The following NLGN1 variants were observed in gnomAD, a reference collection of about 807,000 sequenced individuals.
NLGN1 encodes the protein neuroligin 1.
NLGN1 carries 12 observed loss-of-function variants against 65.5 expected under a neutral mutation model. The observed-to-expected ratio is 0.18, with a 90% CI of 0.12 to 0.30. The LOEUF is 0.30. Ranked by LOEUF, NLGN1 falls within the 10% of genes least tolerant of loss-of-function variation. NLGN1 has a pLI of 1.00. For missense variants in NLGN1, 750 were observed against 1,007.1 expected (o/e 0.74, Z 3.46); for synonymous variants, 350 against 359.5 (o/e 0.97, Z 0.30).
chr3:174,015,333 C>G (rs1276016175), intron 4 of NLGN1, among the ~76,000 whole-genome samples: 1 of 152,124 alleles, frequency 6.6e-6, no homozygotes, highest in East Asian at 1.9e-4. Context: ...ACTCTGAGGT[C>G]AGAGAGGCAG....
intron 4 of NLGN1, among the ~76,000 whole-genome samples, chr3:174,260,214 T>TGGG (rs1290830837): frequency 1.3e-5 from 2 of 150,978 alleles, no homozygotes; most frequent in Non-Finnish European, 3.0e-5. Flanking sequence ...ATGGGATGGC[T>TGGG]GGGTCAAATG....
intron 2 of NLGN1, among the ~76,000 whole-genome samples, chr3:173,491,544 G>T (rs1729165652): frequency 6.6e-6 from 1 of 151,756 alleles, no homozygotes; most frequent in Admixed American, 6.6e-5. Context: ...AAGGATATTG[G>T]TCTGAAATTC....
chr3:173,895,714 A>C (rs2152144768), intron 4 of NLGN1, among the ~76,000 whole-genome samples: 1 of 151,972 alleles, frequency 6.6e-6, no homozygotes, highest in East Asian at 1.9e-4. Context: ...TTTTGAGACA[A>C]GAGTCTCACT....
Position 173,959,737 on chromosome 3 carries a change from T to G in NLGN1, c.646+151905T>G, listed in dbSNP as rs375026338. Among the ~76,000 whole-genome samples, 121 of 152,314 alleles carry G rather than the reference T, an allele frequency of 7.9e-4. 2 individuals are homozygous for G. The highest frequency in any genetic ancestry group is 2.8e-3 in the African/African-American group (118 of 41,582). ...TAGTCTGAAATTTTTAATTTATTTT[T>G]TAAATGTTTTGGTATCACAGTTTTG... On this transcript the variant is annotated intron_variant, in intron 4 of 6. Transcript: ENST00000457714.
chr3:173,579,731 C>T (rs1364213614), intron 2 of NLGN1, among the ~76,000 whole-genome samples: 1 of 152,164 alleles, frequency 6.6e-6, no homozygotes, highest in African/African-American at 2.4e-5. Flanking sequence ...GTCACCTTTG[C>T]AGTAGTTAGA....
chr3:173,794,561 G>T (rs950326219), intron 3 of NLGN1, among the ~76,000 whole-genome samples: 15 of 152,246 alleles, frequency 9.9e-5, no homozygotes, highest in Admixed American at 7.2e-4. Flanking sequence ...AATGGAGAGT[G>T]TGTCTTCACA....
intron 1 of NLGN1, among the ~76,000 whole-genome samples, chr3:173,399,131 T>C (rs1028101136): frequency 6.6e-6 from 1 of 152,230 alleles, no homozygotes; most frequent in African/African-American, 2.4e-5. Flanking sequence ...AGAGAATGAA[T>C]CTAAGTCTAC....
At position 174,279,766 on chromosome 3, in the gene NLGN1, A is replaced by AAT; in HGVS notation, c.1649+116_1649+117insAT. 1 of 622,522 alleles carries AAT rather than the reference A, an allele frequency of 1.6e-6. No individual in the cohort carries two copies. The highest frequency in any genetic ancestry group is 2.8e-6 in the Non-Finnish European group (1 of 359,718). 38.6% of individuals were successfully genotyped at this position (622,522 alleles called of 1,614,324 possible). On this transcript the variant is annotated intron_variant, in intron 6 of 6. Transcript: ENST00000457714. The surrounding 1 kb of genome is among the most constrained non-coding windows in gnomAD (Gnocchi z 4.7). ...ATTGGATTAATACCTGCAAGATATT[A>AAT]CATTCCTTTATTCAAAATTAATTCT...
chr3:173,901,517 A>G (rs542871140), intron 4 of NLGN1, among the ~76,000 whole-genome samples: 1 of 151,852 alleles, frequency 6.6e-6, no homozygotes, highest in African/African-American at 2.4e-5. Flanking sequence ...AGTATTTCTT[A>G]TTTTGCTTAT....
At chr3:174,031,490 G>A (rs758543393) in intron 4 of NLGN1, among the ~76,000 whole-genome samples, 10 of 152,058 alleles carry the variant, frequency 6.6e-5, no homozygotes, top group Non-Finnish European at 1.0e-4. Context: ...TAAGAAAGAG[G>A]CAAATTGAAG....
intron 4 of NLGN1, among the ~76,000 whole-genome samples, chr3:174,197,375 A>G (rs1390044907): frequency 3.9e-5 from 6 of 152,130 alleles, no homozygotes; most frequent in African/African-American, 1.2e-4. Flanking sequence ...AAAAATAACT[A>G]TAGGTATAGT....
chr3:174,207,177 T>C (rs983781012), intron 4 of NLGN1, among the ~76,000 whole-genome samples: 1 of 146,204 alleles, frequency 6.8e-6, no homozygotes, highest in Non-Finnish European at 1.5e-5. Context: ...TTTTATAGAT[T>C]GTTTTTTTGT....
intron 4 of NLGN1, among the ~76,000 whole-genome samples, chr3:173,939,799 GT>G (rs1454029134): frequency 2.6e-5 from 4 of 151,950 alleles, no homozygotes; most frequent in Non-Finnish European, 5.9e-5. Context: ...ACTGGGTTTT[GT>G]TTTTGTTTTT....
At chr3:174,075,969 GTAAT>G (rs1307013974) in intron 4 of NLGN1, among the ~76,000 whole-genome samples, 1 of 152,074 alleles carries the variant, frequency 6.6e-6, no homozygotes, top group African/African-American at 2.4e-5. Context: ...ATCTGACTAA[GTAAT>G]TAAACTAGGC....
At position 173,595,049 on chromosome 3, in the gene NLGN1, A is replaced by T. The variant is rs150828319; in HGVS notation, c.-320-9230A>T. Among the ~76,000 whole-genome samples, 32 of 152,316 alleles carry T rather than the reference A, an allele frequency of 2.1e-4. No individual in the cohort carries two copies. The East Asian group carries it at 5.4e-3, about 26-fold the overall frequency. ...AGGGGCTGCTGTGAAGACCTTAGAC[A>T]TGCCCTGGAGGCATTTTAACCATTG... On this transcript the variant is annotated intron_variant, in intron 2 of 6. Transcript: ENST00000457714.
At chr3:173,730,324 C>CCCCA (rs1772578897) in intron 3 of NLGN1, among the ~76,000 whole-genome samples, 1 of 124,342 alleles carries the variant, frequency 8.0e-6, no homozygotes, top group Non-Finnish European at 1.7e-5. Context: ...CCCACCGCTC[C>CCCCA]CCCCCCCCCG....
At chr3:173,834,400 A>AT (rs987119715) in intron 4 of NLGN1, among the ~76,000 whole-genome samples, 2 of 152,034 alleles carry the variant, frequency 1.3e-5, no homozygotes, top group African/African-American at 4.8e-5. Flanking sequence ...TAGTTTTAAA[A>AT]TTTTACTATA....
intron 4 of NLGN1, among the ~76,000 whole-genome samples, chr3:174,036,203 A>G (rs1731098774): frequency 6.6e-6 from 1 of 152,200 alleles, no homozygotes; most frequent in Non-Finnish European, 1.5e-5. Flanking sequence ...ATCAAGATCA[A>G]TGTTACAGTC....
intron 4 of NLGN1, among the ~76,000 whole-genome samples, chr3:173,850,336 A>G (rs78096805): frequency 0.067 from 10,131 of 152,214 alleles, 696 homozygotes; most frequent in African/African-American, 0.18. Context: ...CTGACATTCA[A>G]TAACATACAA....
Sources: gnomAD v4.1 joint callset for allele counts (sites outside exome capture counted in the v4.1 genomes callset) on GRCh38, gnomAD v4.1.1 for gene constraint, Gnocchi (gnomAD v3.1) non-coding constraint, MANE v1.5 for transcripts, NCBI Gene and HGNC (gene_info 2026-07-23, HGNC 2026-07-21) for gene names.